FNDC3B: variants seen among roughly 807,000 people sequenced by gnomAD.
FNDC3B encodes the protein fibronectin type III domain containing 3B, also known as fibronectin type III domain-containing protein 3B.
A neutral mutation model predicts 151.5 loss-of-function variants in FNDC3B; 12 were observed. The ratio of observed to expected loss-of-function variants is 0.08; its 90% CI spans 0.05 to 0.13. The LOEUF is 0.13. FNDC3B is among the 10% of genes least tolerant of loss of function. The pLI is 1.00. For missense variants in FNDC3B, 1,214 were observed against 1,505.3 expected (o/e 0.81, Z 3.20); for synonymous variants, 528 against 549.0 (o/e 0.96, Z 0.54).
intron 6 of FNDC3B, among the ~76,000 whole-genome samples, chr3:172,283,175 G>C (rs980466968): frequency 6.6e-6 from 1 of 152,098 alleles, no homozygotes; most frequent in Non-Finnish European, 1.5e-5. Context: ...TATCTCAGGA[G>C]GACCTTTCCC....
chr3:172,286,927 T>A lies in FNDC3B; in HGVS notation c.849+943T>A, dbSNP rs1314066523. Among the ~76,000 whole-genome samples, 3 of 152,138 alleles carry A rather than the reference T, an allele frequency of 2.0e-5. 1 individual carries two copies. Among genetic ancestry groups the A allele is most frequent in the Non-Finnish European group, 4.4e-5 (3 of 68,018 alleles). On this transcript the variant is annotated intron_variant, in intron 7 of 25. Transcript: ENST00000415807. ...TGCTACTGTAGTCCTGGTGAAAGGCTATGGGAGTCAAAATTAGGGTGGTGA... is the reference window on the plus strand; with the variant it reads ...TGCTACTGTAGTCCTGGTGAAAGGCAATGGGAGTCAAAATTAGGGTGGTGA...
rs1715951344 is a variant in FNDC3B at position 172,040,226 on chromosome 3, C to T, written c.-29+455C>T. ...GCGGGCGGCGAGGCCGAGGAATCTT[C>T]GACGTGTCACTTTCTGAGGCTGTAG... On this transcript the variant is annotated intron_variant, in intron 1 of 25. Transcript: ENST00000415807. The surrounding 1 kb of genome is among the most constrained non-coding windows in gnomAD (Gnocchi z 6.6). Among the ~76,000 whole-genome samples the T allele has an allele frequency of 1.3e-5, 2 of 151,692 alleles. No homozygotes were observed.
At chr3:172,154,405 G>A (rs747143964) in intron 3 of FNDC3B, among the ~76,000 whole-genome samples, 4 of 152,056 alleles carry the variant, frequency 2.6e-5, no homozygotes, top group Non-Finnish European at 4.4e-5. Context: ...TAGTAGAGAC[G>A]GGGTTTCACC....
intron 6 of FNDC3B, among the ~76,000 whole-genome samples, chr3:172,284,657 C>G (rs1373849196): frequency 6.7e-6 from 1 of 150,340 alleles, no homozygotes; most frequent in Admixed American, 6.7e-5. Context: ...TCCACATCCC[C>G]CTTCCCCTCC....
intron 3 of FNDC3B, among the ~76,000 whole-genome samples, chr3:172,199,464 C>A (rs1360297528): frequency 6.6e-6 from 1 of 152,184 alleles, no homozygotes; most frequent in African/African-American, 2.4e-5. Flanking sequence ...CAGGTGTGAG[C>A]CACCGCGCCC....
chr3:172,187,564 G>A (rs1724254254), intron 3 of FNDC3B, among the ~76,000 whole-genome samples: 2 of 152,198 alleles, frequency 1.3e-5, no homozygotes, highest in South Asian at 4.1e-4. Context: ...TAATTATCCA[G>A]TTACTTCTAC....
Position 172,381,089 on chromosome 3 carries a change from A to AACAGGTAAGAACCAGTGTGCATGGC in FNDC3B, c.3303_3303+24dup, listed in dbSNP as rs1735412809. 6.2e-7 allele frequency: 1 copy of AACAGGTAAGAACCAGTGTGCATGGC among 1,613,190 alleles called. No homozygotes were observed. Among genetic ancestry groups the AACAGGTAAGAACCAGTGTGCATGGC allele is most frequent in the South Asian group, 1.1e-5 (1 of 91,056 alleles). On this transcript the variant is annotated frameshift_variant, in exon 25 of 26. Transcript: ENST00000415807. LOFTEE classifies it high-confidence loss of function. ...TTGGTTGGAAGAGAATCTGAGTACAAACAGGTAAGAACCAGTGTGCATGGC... is the reference window on the plus strand; with the variant it reads ...TTGGTTGGAAGAGAATCTGAGTACAAACAGGTAAGAACCAGTGTGCATGGCACAGGTAAGAACCAGTGTGCATGGC...
rs988211597 is a variant in FNDC3B, at chr3:172,401,665, A to G, written c.*4190A>G. 3 of 150,770 alleles carry G rather than the reference A, an allele frequency of 2.0e-5. No homozygotes were observed. 9.3% of individuals were successfully genotyped at this position (150,770 alleles called of 1,614,324 possible). A position where few individuals can be genotyped will look rare whatever the true frequency, so the allele number is the denominator to read the frequency against. ...AGCAATAAAACACAGTGTTCCTGCT[A>G]TGGCCATGGTTTTGTGATTTTAGAT... On this transcript the variant is annotated 3_prime_UTR_variant, in exon 26 of 26. Transcript: ENST00000415807.
chr3:172,145,614 G>A (rs1291376136), intron 3 of FNDC3B, among the ~76,000 whole-genome samples: 1 of 152,182 alleles, frequency 6.6e-6, no homozygotes, highest in African/African-American at 2.4e-5. Flanking sequence ...AATAAAGCAA[G>A]TATAAATGGT....
chr3:172,240,149 G>A (rs1727422557), intron 4 of FNDC3B, among the ~76,000 whole-genome samples: 1 of 152,118 alleles, frequency 6.6e-6, no homozygotes, highest in African/African-American at 2.4e-5. Context: ...GGGATTACAG[G>A]CGTGAGCCAC....
chr3:172,328,042 A>G (rs960149439), intron 11 of FNDC3B, among the ~76,000 whole-genome samples: 1 of 152,206 alleles, frequency 6.6e-6, no homozygotes, highest in African/African-American at 2.4e-5. Context: ...AACTACTGAT[A>G]AGAGTATTAC....
chr3:172,347,535 C>G (rs753065777), intron 21 of FNDC3B, among the ~76,000 whole-genome samples, 174 bp downstream of exon 21: 4 of 152,100 alleles, frequency 2.6e-5, no homozygotes, highest in African/African-American at 9.7e-5. Context: ...AGTTAATTTC[C>G]ACTTCTCTAG....
chr3:172,229,687 A>T (rs1001685708), intron 4 of FNDC3B, among the ~76,000 whole-genome samples: 8 of 152,232 alleles, frequency 5.3e-5, no homozygotes, highest in Non-Finnish European at 7.3e-5. Context: ...CGTGGCACAA[A>T]GTAGGTACTT....
At chr3:172,381,860 C>G (rs1560108910) in intron 25 of FNDC3B, among the ~76,000 whole-genome samples, 1 of 152,138 alleles carries the variant, frequency 6.6e-6, no homozygotes, top group African/African-American at 2.4e-5. Context: ...TTTCTTTATC[C>G]AGTCTAACAT....
chr3:172,392,810 C>CTTTTTTTTTTTTTTTTTT (rs1167627679), intron 25 of FNDC3B, among the ~76,000 whole-genome samples: 5 of 99,874 alleles, frequency 5.0e-5, no homozygotes, highest in Admixed American at 1.5e-4. Context: ...TTTTTTTTTT[C>CTTTTTTTTTTTTTTTTTT]TTTTTTTTTT....
At chr3:172,046,011 T>G (rs1186144693) in intron 1 of FNDC3B, among the ~76,000 whole-genome samples, 2 of 151,902 alleles carry the variant, frequency 1.3e-5, no homozygotes, top group African/African-American at 4.8e-5. Context: ...GGAGGGGAGT[T>G]TGTTTGTGGT....
intron 3 of FNDC3B, among the ~76,000 whole-genome samples, chr3:172,147,517 G>T (rs191341957): frequency 4.1e-4 from 62 of 152,164 alleles, no homozygotes; most frequent in Admixed American, 9.2e-4. Context: ...TTGGGTGGGT[G>T]GTCCCTATAG....
chr3:172,097,218 C>T (rs1261177852), intron 1 of FNDC3B, among the ~76,000 whole-genome samples: 1 of 152,190 alleles, frequency 6.6e-6, no homozygotes, highest in Non-Finnish European at 1.5e-5. Context: ...GAACCTGCTT[C>T]CCCCACCCCT....
chr3:172,236,470 A>T (rs1727170287), intron 4 of FNDC3B, among the ~76,000 whole-genome samples: 1 of 152,228 alleles, frequency 6.6e-6, no homozygotes, highest in Non-Finnish European at 1.5e-5. Context: ...CAAGTGTTTT[A>T]TAAACTATTA....
Sources: allele counts gnomAD v4.1 joint callset (sites outside exome capture counted in the v4.1 genomes callset), GRCh38; gene constraint gnomAD v4.1.1; non-coding constraint Gnocchi (gnomAD v3.1); transcripts MANE v1.5; gene names NCBI Gene and HGNC (gene_info 2026-07-23, HGNC 2026-07-21).